SLC25A33: variants seen among roughly 807,000 people sequenced by gnomAD.
SLC25A33 encodes the protein solute carrier family 25 member 33.
SLC25A33 carries 15 observed loss-of-function variants against 35.5 expected under a neutral mutation model. That is an observed-to-expected ratio of 0.42 (90% CI 0.28 to 0.65). The LOEUF is 0.65. Ranked by LOEUF, SLC25A33 falls within the 30% of genes least tolerant of loss-of-function variation. The pLI, the probability that SLC25A33 is intolerant of heterozygous loss-of-function variation, is 0.20. For missense variants in SLC25A33, 257 were observed against 398.5 expected (o/e 0.64, Z 3.02); for synonymous variants, 136 against 148.7 (o/e 0.91, Z 0.62).
chr1:9,552,271 A>G (rs1643276697), intron 1 of SLC25A33, among the ~76,000 whole-genome samples: 1 of 152,166 alleles, frequency 6.6e-6, no homozygotes, highest in Admixed American at 6.5e-5. Flanking sequence ...GCTGGAGTGC[A>G]GTGACACAAT....
Position 9,553,722 on chromosome 1 carries a change from T to C in SLC25A33, c.153T>C (p.Tyr51=). ...SSRLALRTVY[Y]PQVHLGTISG... ...GATTAGCTCTCCGGACAGTCTACTA[T>C]CCTCAGGTTCATCTGGGGACCATTA... The change falls in exon 2 of 7, where the codon TAT becomes TAC. Residue 51 remains tyrosine, a synonymous_variant. Transcript: ENST00000302692. 6.2e-7 allele frequency: 1 copy of C among 1,614,186 alleles called. No homozygotes were observed. The highest frequency in any genetic ancestry group is 8.5e-7 in the Non-Finnish European group (1 of 1,180,048).
intron 2 of SLC25A33, among the ~76,000 whole-genome samples, chr1:9,566,908 A>G (rs1298439585): frequency 6.6e-6 from 1 of 151,886 alleles, no homozygotes; most frequent in Non-Finnish European, 1.5e-5. Context: ...AGTGCCTGTA[A>G]TCCCAGCTAC....
chr1:9,572,946 C>T (rs1306659875), intron 4 of SLC25A33, among the ~76,000 whole-genome samples: 2 of 151,508 alleles, frequency 1.3e-5, no homozygotes, highest in Non-Finnish European at 2.9e-5. Context: ...AGAAGGCATA[C>T]TCACCAAATG....
chr1:9,543,285 AG>A (rs1040640133), intron 1 of SLC25A33, among the ~76,000 whole-genome samples: 17 of 151,920 alleles, frequency 1.1e-4, no homozygotes, highest in Non-Finnish European at 2.1e-4. Context: ...CTGGGATTAA[AG>A]GCTCACGCCA....
Position 9,561,339 on chromosome 1 carries a change from T to C in SLC25A33, c.237-5945T>C, listed in dbSNP as rs191712014. 7.9e-5 allele frequency among the ~76,000 whole-genome samples: 12 copies of C among 152,304 alleles called. 1 individual carries two copies. The highest frequency in any genetic ancestry group is 1.6e-4 in the Non-Finnish European group (11 of 68,028). ...GGAACCACAGTGTTCAGATGAGACA[T>C]TTGTCTTGGATTAGTCTGTGCTATG... On this transcript the variant is annotated intron_variant, in intron 2 of 6. Coordinates refer to ENST00000302692, the MANE Select transcript of SLC25A33 (RefSeq NM_032315.3).
chr1:9,547,562 G>A (rs376957462), intron 1 of SLC25A33, among the ~76,000 whole-genome samples: 55 of 152,232 alleles, frequency 3.6e-4, no homozygotes, highest in African/African-American at 1.3e-3. Context: ...TTCAAATAGT[G>A]CCCATTTTAT....
chr1:9,544,403 T>C (rs1272052907), intron 1 of SLC25A33, among the ~76,000 whole-genome samples: 1 of 151,698 alleles, frequency 6.6e-6, no homozygotes, highest in Non-Finnish European at 1.5e-5. Flanking sequence ...CGAGGAGCTG[T>C]AATTACAGGC....
chr1:9,559,786 G>A (rs1643395006), intron 2 of SLC25A33, among the ~76,000 whole-genome samples: 1 of 152,158 alleles, frequency 6.6e-6, no homozygotes, highest in Non-Finnish European at 1.5e-5. Flanking sequence ...TTATTGTACA[G>A]CTTTCTGTTT....
chr1:9,546,433 C>T (rs887101730), intron 1 of SLC25A33, among the ~76,000 whole-genome samples: 3 of 152,052 alleles, frequency 2.0e-5, no homozygotes, highest in Non-Finnish European at 4.4e-5. Context: ...ATCCGCCCTC[C>T]TCAGCCTCCC....
chr1:9,565,019 G>C (rs1643482096), intron 2 of SLC25A33, among the ~76,000 whole-genome samples: 1 of 152,078 alleles, frequency 6.6e-6, no homozygotes, highest in Admixed American at 6.6e-5. Flanking sequence ...CACAAAAAAA[G>C]ATGTGACGCC....
chr1:9,584,065 G>C lies in SLC25A33; in HGVS notation c.*1564G>C, dbSNP rs1362924264. ...AAATTTAATAAGGGAACAAAAAGAT[G>C]ATACTAAGAAGAAGGCAAGTAAAAC... On this transcript the variant is annotated 3_prime_UTR_variant, in exon 7 of 7. Coordinates refer to ENST00000302692, the MANE Select transcript of SLC25A33 (RefSeq NM_032315.3). 1 of 151,506 alleles carries C rather than the reference G, an allele frequency of 6.6e-6. No homozygotes were observed. The highest frequency in any genetic ancestry group is 1.5e-5 in the Non-Finnish European group (1 of 67,938). 9.4% of individuals were successfully genotyped at this position (151,506 alleles called of 1,614,324 possible).
intron 4 of SLC25A33, among the ~76,000 whole-genome samples, chr1:9,571,267 G>A (rs1643586951): frequency 6.6e-6 from 1 of 152,148 alleles, no homozygotes. Context: ...AAACATGAAC[G>A]TGTAGATTTC....
intron 1 of SLC25A33, among the ~76,000 whole-genome samples, chr1:9,541,137 A>T (rs1643073307): frequency 1.3e-5 from 2 of 148,390 alleles, no homozygotes; most frequent in South Asian, 4.3e-4. Flanking sequence ...CCCGCCACCA[A>T]GCCTGGCTAA....
intron 1 of SLC25A33, among the ~76,000 whole-genome samples, chr1:9,541,769 T>C (rs1643086161): frequency 6.6e-6 from 1 of 152,082 alleles, no homozygotes; most frequent in South Asian, 2.1e-4. Context: ...GCTCAGTGAT[T>C]TTGACTTACT....
At chr1:9,552,757 G>A (rs142591678) in intron 1 of SLC25A33, among the ~76,000 whole-genome samples, 2 of 152,154 alleles carry the variant, frequency 1.3e-5, no homozygotes, top group East Asian at 3.9e-4. Flanking sequence ...TGAAGCCATT[G>A]GAAATGATGA....
intron 2 of SLC25A33, among the ~76,000 whole-genome samples, chr1:9,560,022 C>T (rs1643399235): frequency 4.6e-5 from 7 of 152,228 alleles, no homozygotes; most frequent in Admixed American, 4.6e-4. Context: ...GAGGCCAAGG[C>T]AGGTGGATCA....
chr1:9,544,321 T>C (rs1204059658), intron 1 of SLC25A33, among the ~76,000 whole-genome samples: 5 of 150,020 alleles, frequency 3.3e-5, no homozygotes, highest in Non-Finnish European at 5.9e-5. Flanking sequence ...CAGGCTGGAG[T>C]GCAGTGGTGA....
chr1:9,554,553 T>C (rs1230777405), intron 2 of SLC25A33, among the ~76,000 whole-genome samples: 1 of 151,444 alleles, frequency 6.6e-6, no homozygotes, highest in East Asian at 2.0e-4. Context: ...GAGATGGAGT[T>C]TCTCCATGTT....
At position 9,584,359 on chromosome 1, in the gene SLC25A33, GTACTT is replaced by G; in HGVS notation, c.*1862_*1866del. 6.6e-6 allele frequency: 1 copy of G among 152,284 alleles called. No individual in the cohort carries two copies. Among genetic ancestry groups the G allele is most frequent in the South Asian group, 2.1e-4 (1 of 4,822 alleles). 9.4% of individuals were successfully genotyped at this position (152,284 alleles called of 1,614,324 possible). On this transcript the variant is annotated 3_prime_UTR_variant, in exon 7 of 7. Coordinates refer to ENST00000302692, the MANE Select transcript of SLC25A33 (RefSeq NM_032315.3). ...AATGAGTGACTTTAGTGAAGCTTCT[GTACTT>G]TACAATACATGACAGTAATGCTATT...
Sources: gnomAD v4.1 joint callset for allele counts (sites outside exome capture counted in the v4.1 genomes callset) on GRCh38, gnomAD v4.1.1 for gene constraint, MANE v1.5 for transcripts, NCBI Gene and HGNC (gene_info 2026-07-23, HGNC 2026-07-21) for gene names.